CLK3: variants seen among roughly 807,000 people sequenced by gnomAD.
CLK3 encodes dual specificity protein kinase CLK3.
A neutral mutation model predicts 65.2 loss-of-function variants in CLK3; 24 were observed. The ratio of observed to expected loss-of-function variants is 0.37; its 90% CI spans 0.27 to 0.52. The LOEUF is 0.52. CLK3 is among the 20% of genes least tolerant of loss of function. The pLI is 0.92. For synonymous variants in CLK3, 252 were observed against 240.8 expected (o/e 1.05, Z -0.43); for missense variants, 506 against 660.0 (o/e 0.77, Z 2.56).
At chr15:74,615,677 C>T (rs1266077379), upstream of CLK3, 3 of 1,242,016 alleles carry the variant, frequency 2.4e-6, no homozygotes, top group Non-Finnish European at 3.0e-6. Context: ...CGGAACTAGT[C>T]TCCTAGGCCG....
rs755493680 is a variant in CLK3 at position 74,615,882 on chromosome 15, C to A, written c.-17C>A. 2 of 1,254,448 alleles carry A rather than the reference C, an allele frequency of 1.6e-6. No homozygotes were observed. The highest frequency in any genetic ancestry group is 4.0e-5 in the Admixed American group (1 of 24,726). The allele number at this position is 1,254,448 out of a possible 1,614,324, so 77.7% of individuals were successfully genotyped here. On this transcript the variant is annotated 5_prime_UTR_variant, in exon 1 of 13. Coordinates refer to ENST00000395066, the MANE Select transcript of CLK3 (RefSeq NM_001130028.2). ...AGCGGGGAGTGGGGCCTAGCTGCAG[C>A]CGGAGCCTGGGAGACGGTAAGTGTG...
chr15:74,625,987 A>G lies in CLK3; in HGVS notation c.817+19A>G. 1 of 1,612,770 alleles carries G rather than the reference A, an allele frequency of 6.2e-7. No homozygotes were observed. Among genetic ancestry groups the G allele is most frequent in the Admixed American group, 1.7e-5 (1 of 59,988 alleles). Reference sequence around the variant, plus strand: ...CTTAGATGTAAGTGTCCACCCTCAAAAGAAGCATGGGCAGCCACATGCCTG... The same window carrying G: ...CTTAGATGTAAGTGTCCACCCTCAAGAGAAGCATGGGCAGCCACATGCCTG... On this transcript the variant is annotated intron_variant, in intron 7 of 12. Coordinates refer to ENST00000395066, the MANE Select transcript of CLK3 (RefSeq NM_001130028.2).
At chr15:74,615,813 T>A, upstream of CLK3, 2 of 1,246,258 alleles carry the variant, frequency 1.6e-6, no homozygotes, top group African/African-American at 1.5e-5. Context: ...GGGGCGGGGC[T>A]GCCACGGGCG....
At chr15:74,611,866 T>C (rs540947253), upstream of CLK3, among the ~76,000 whole-genome samples, 38 of 152,222 alleles carry the variant, frequency 2.5e-4, no homozygotes, top group Non-Finnish European at 2.6e-4. Context: ...CTGAGGCCTC[T>C]TCTCAGACTC....
In CLK3 at chr15:74,627,879, G is replaced by T. The variant is rs116916068; in HGVS notation, c.1043-91G>T. On this transcript the variant is annotated intron_variant, in intron 9 of 12. Coordinates refer to ENST00000395066, the MANE Select transcript of CLK3 (RefSeq NM_001130028.2). The surrounding 1 kb of genome is among the most constrained non-coding windows in gnomAD (Gnocchi z 4.3). ...GCCTCGTACTGGGATTTGGGCAAGA[G>T]TCCTGCCAGCCGGTGTGGTGGCTGC... 3 of 1,239,880 alleles carry T rather than the reference G, an allele frequency of 2.4e-6. No individual in the cohort carries two copies. The highest frequency in any genetic ancestry group is 1.7e-5 in the Admixed American group (1 of 58,328). 76.8% of individuals were successfully genotyped at this position (1,239,880 alleles called of 1,614,324 possible). A position where few individuals can be genotyped will look rare whatever the true frequency, so the allele number is the denominator to read the frequency against.
chr15:74,629,496 A>G (rs946541002), intron 12 of CLK3: 6 of 588,030 alleles, frequency 1.0e-5, no homozygotes, highest in Non-Finnish European at 1.8e-5. Flanking sequence ...CCAGCAAGAC[A>G]CCTAGTAGCC....
chr15:74,628,029 T>C lies in CLK3; in HGVS notation c.1102T>C (p.Tyr368His), dbSNP rs763653873. 6.2e-7 allele frequency: 1 copy of C among 1,613,286 alleles called. No individual in the cohort carries two copies. Among genetic ancestry groups the C allele is most frequent in the Non-Finnish European group, 8.5e-7 (1 of 1,179,194 alleles). The change falls in exon 10 of 13, where the codon TAC becomes CAC. Residue 368 changes from tyrosine (Y) to histidine (H), a missense_variant. Transcript: ENST00000395066. ...WSIGCILFEYYRGFTLFQTHE... is the reference protein window; with the variant it reads ...WSIGCILFEYHRGFTLFQTHE... The stretch of plus-strand genomic sequence containing the variant: ...CATTGGCTGCATTCTCTTTGAGTAC[T>C]ACCGGGGCTTCACACTCTTCCAGGT...
rs2062098001 is a variant in CLK3, at chr15:74,621,041, C to G, written c.369+816C>G. The G allele has an allele frequency of 6.6e-6, 1 of 152,556 alleles. No individual in the cohort carries two copies. Among genetic ancestry groups the G allele is most frequent in the African/African-American group, 2.4e-5 (1 of 41,480 alleles). 9.5% of individuals were successfully genotyped at this position (152,556 alleles called of 1,614,324 possible). ...TTTCCGAGGTTACGTGCGGTCTTCT[C>G]TTCTCCCCCATCCCTCTTCCCTGCC... is the stretch of plus-strand genomic sequence containing the variant. On this transcript the variant is annotated intron_variant, in intron 3 of 12. Coordinates refer to ENST00000395066, the MANE Select transcript of CLK3 (RefSeq NM_001130028.2). The surrounding 1 kb of genome is among the most constrained non-coding windows in gnomAD (Gnocchi z 4.8).
chr15:74,616,055 T>A, intron 1 of CLK3, 157 bp downstream of exon 1: 1 of 539,394 alleles, frequency 1.9e-6, no homozygotes. Flanking sequence ...CCTGACCCGC[T>A]GCTTCTGCCC....
intron 1 of CLK3, among the ~76,000 whole-genome samples, chr15:74,609,697 C>A (rs1283046921): frequency 2.0e-5 from 3 of 152,256 alleles, no homozygotes; most frequent in African/African-American, 7.2e-5. Context: ...GGTCCCGAAG[C>A]TCCTGGGCCC....
At chr15:74,616,104 G>A (rs899820751) in intron 1 of CLK3, among the ~76,000 whole-genome samples, 2 of 152,228 alleles carry the variant, frequency 1.3e-5, no homozygotes, top group Middle Eastern at 3.2e-3. Flanking sequence ...TCGACCCCAC[G>A]GTGTTGAAGG....
In CLK3 at chr15:74,619,328, A is replaced by C. The variant is rs765992413; in HGVS notation, c.132A>C (p.Pro44=). The C allele has an allele frequency of 3.1e-6, 5 of 1,614,082 alleles. No individual in the cohort carries two copies. The South Asian group carries it at 3.3e-5, about 11-fold the overall frequency. Residue 44 remains proline (P), a synonymous_variant, in exon 2 of 13, where the codon CCA becomes CCC. Coordinates refer to ENST00000395066, the MANE Select transcript of CLK3 (RefSeq NM_001130028.2). The part of the protein sequence containing the change: ...LRYPSRREPP[P]RRSRSRSHDR... ...ACCCGTCCCGAAGGGAGCCTCCCCC[A>C]CGAAGATCTCGGTCCAGAAGGTGAG...
Position 74,629,804 on chromosome 15 carries a change from A to C in CLK3, c.1394A>C (p.Glu465Ala). ...CCTGCCCAGCGCATCACACTGGCCG[A>C]GGCCCTGCTGCACCCCTTCTTTGCT... ...FDPAQRITLAEALLHPFFAGL... is the reference protein window; with the variant it reads ...FDPAQRITLAAALLHPFFAGL... Residue 465 changes from glutamate to alanine, a missense_variant, in exon 13 of 13, where the codon GAG becomes GCG. By Grantham distance (107) the Glu-to-Ala change is moderately radical. This residue lies in a region of CLK3 where 325 missense variants were observed against 500.5 expected (regional missense o/e 0.65). Transcript: ENST00000395066. The C allele has an allele frequency of 6.2e-7, 1 of 1,613,404 alleles. No individual in the cohort carries two copies. Among genetic ancestry groups the C allele is most frequent in the Non-Finnish European group, 8.5e-7 (1 of 1,179,694 alleles).
chr15:74,615,702 G>A (rs2062049552), upstream of CLK3: 10 of 1,238,488 alleles, frequency 8.1e-6, no homozygotes, highest in Non-Finnish European at 9.1e-6. Flanking sequence ...GCCCGCCGGA[G>A]CGGAGAGGGC....
Position 74,622,175 on chromosome 15 carries a change from G to A in CLK3, c.425G>A (p.Gly142Asp). The A allele has an allele frequency of 6.2e-7, 1 of 1,614,128 alleles. No individual in the cohort carries two copies. The highest frequency in any genetic ancestry group is 8.5e-7 in the Non-Finnish European group (1 of 1,179,986). Residue 142 changes from glycine to aspartate, a missense_variant, in exon 4 of 13, where the codon GGT becomes GAT. Physicochemically the swap from Gly to Asp is moderately conservative, Grantham distance 94. Around this residue, in one of 2 missense-constraint regions of CLK3, gnomAD observed 325 missense variants for 500.5 expected, o/e 0.65. Transcript: ENST00000395066. The surrounding 1 kb of genome is among the most constrained non-coding windows in gnomAD (Gnocchi z 4.6). Reference sequence around the variant, plus strand: ...CGGAGTGTGGAAGATGACAAGGAGGGTCACCTGGTGTGCCGGATCGGCGAT... The same window carrying A: ...CGGAGTGTGGAAGATGACAAGGAGGATCACCTGGTGTGCCGGATCGGCGAT... ...SSRSVEDDKE[G>D]HLVCRIGDWL...
At position 74,622,365 on chromosome 15, in the gene CLK3, CCA is replaced by C; in HGVS notation, c.467-128_467-127del. On this transcript the variant is annotated intron_variant, in intron 4 of 12. Transcript: ENST00000395066. This position sits in a 1 kb window ranked among gnomAD's most constrained non-coding sequence, Gnocchi z 4.6. ...TGAATGACACAGACACTAGCAACTT[CCA>C]TTTTTAAGAGTGTAGCAGTGAGAGA... 9.6e-7 allele frequency: 1 copy of C among 1,043,476 alleles called. No homozygotes were observed. Among genetic ancestry groups the C allele is most frequent in the Admixed American group, 2.1e-5 (1 of 47,046 alleles). 64.6% of individuals were successfully genotyped at this position (1,043,476 alleles called of 1,614,324 possible). A position where few individuals can be genotyped will look rare whatever the true frequency, so the allele number is the denominator to read the frequency against.
intron 2 of CLK3, 83 bp from the exon 3 acceptor site, chr15:74,619,926 C>T: frequency 6.3e-7 from 1 of 1,595,182 alleles, no homozygotes; most frequent in Non-Finnish European, 8.5e-7. Flanking sequence ...CCCTTTAGCC[C>T]TTTACAGTGG....
intron 7 of CLK3, chr15:74,626,878 G>A: frequency 9.6e-6 from 4 of 416,916 alleles, no homozygotes; most frequent in South Asian, 3.5e-5. Context: ...CTGGGTATGC[G>A]ACCTGTGCAC....
intron 1 of CLK3, among the ~76,000 whole-genome samples, chr15:74,616,748 G>A (rs929144015): frequency 3.3e-5 from 5 of 152,226 alleles, no homozygotes; most frequent in African/African-American, 1.2e-4. Flanking sequence ...ATAACCATGG[G>A]TGCTGGGGTG....
Sources: allele counts gnomAD v4.1 joint callset (sites outside exome capture counted in the v4.1 genomes callset), GRCh38; gene constraint gnomAD v4.1.1; regional missense constraint gnomAD v4.1.1; non-coding constraint Gnocchi (gnomAD v3.1); transcripts MANE v1.5; gene names NCBI Gene and HGNC (gene_info 2026-07-23, HGNC 2026-07-21).